The following SH2B1 variants were observed in gnomAD, a reference collection of about 807,000 sequenced individuals.
SH2B1 encodes the protein SH2B adaptor protein 1.
A neutral mutation model predicts 62.6 loss-of-function variants in SH2B1; 15 were observed. That is an observed-to-expected ratio of 0.24 (90% CI 0.16 to 0.37). The LOEUF (loss-of-function observed/expected upper bound fraction) is 0.37, where lower values mean the gene tolerates loss of function less well. Among genes scored for constraint, SH2B1 ranks in the 10% least tolerant of loss-of-function variants. The pLI is 1.00. For synonymous variants in SH2B1, 443 were observed against 438.0 expected (o/e 1.01, Z -0.14); for missense variants, 925 against 1,015.6 (o/e 0.91, Z 1.21).
rs910175665 is a variant in SH2B1, at chr16:28,864,294, T to TC, written c.-1801_-1800insC. ...GCACCGGGAAAATGTGTCTGAGTCC[T>TC]GCTTGGCAGAAGAGAAACTGAGTCA... On this transcript the variant is annotated 5_prime_UTR_variant, in exon 1 of 8. The change abolishes the stop of an existing upstream ORF in the 5' untranslated region. Transcript: ENST00000684370. 1.9e-4 allele frequency: 187 copies of TC among 997,742 alleles called. No individual in the cohort carries two copies. Among genetic ancestry groups the TC allele is most frequent in the Non-Finnish European group, 2.1e-4 (180 of 837,452 alleles). The allele number at this position is 997,742 out of a possible 1,614,324, so 61.8% of individuals were successfully genotyped here. A position where few individuals can be genotyped will look rare whatever the true frequency, so the allele number is the denominator to read the frequency against.
chr16:28,871,942 C>T lies in SH2B1; in HGVS notation c.1472C>T (p.Ser491Leu). Residue 491 changes from serine (S) to leucine (L), a missense_variant, in exon 5 of 8, where the codon TCA becomes TTA. Around this residue, in one of 3 missense-constraint regions of SH2B1, gnomAD observed 683 missense variants for 704.0 expected, o/e 0.97. Transcript: ENST00000684370. Reference sequence around the variant, plus strand: ...CCAACAGGGACAGTTCATCCCCTCTCAGCCCCCTACCCTCCCTTGGACACT... The same window carrying T: ...CCAACAGGGACAGTTCATCCCCTCTTAGCCCCCTACCCTCCCTTGGACACT... ...GPPTGTVHPLSAPYPPLDTPE... is the reference protein window; with the variant it reads ...GPPTGTVHPLLAPYPPLDTPE... 1.2e-6 allele frequency: 2 copies of T among 1,608,970 alleles called. No individual in the cohort carries two copies. The highest frequency in any genetic ancestry group is 1.3e-5 in the African/African-American group (1 of 74,790).
chr16:28,873,183 T>C lies in SH2B1; in HGVS notation c.1898-264T>C. Reference sequence around the variant, plus strand: ...CCCTCCCCCCAGGCCGGGAGCAGGCTGGGAGCCATGCGGGGGTGTGCGAGG... The same window carrying C: ...CCCTCCCCCCAGGCCGGGAGCAGGCCGGGAGCCATGCGGGGGTGTGCGAGG... On this transcript the variant is annotated intron_variant, in intron 7 of 7. Coordinates refer to ENST00000684370, the MANE Select transcript of SH2B1 (RefSeq NM_001387430.1). The surrounding 1 kb of genome is among the most constrained non-coding windows in gnomAD (Gnocchi z 4.2). 6.3e-7 allele frequency: 1 copy of C among 1,578,664 alleles called. No individual in the cohort carries two copies. Among genetic ancestry groups the C allele is most frequent in the East Asian group, 2.3e-5 (1 of 44,100 alleles).
Position 28,873,884 on chromosome 16 carries a change from A to G in SH2B1, c.*64A>G, listed in dbSNP as rs749253448. Reference sequence around the variant, plus strand: ...CCCTGCTCGTGAGATTGGGCTGGGTAGGGACAGAGGAGGCCGAAATCCCTC... The same window carrying G: ...CCCTGCTCGTGAGATTGGGCTGGGTGGGGACAGAGGAGGCCGAAATCCCTC... On this transcript the variant is annotated 3_prime_UTR_variant, in exon 8 of 8. Coordinates refer to ENST00000684370, the MANE Select transcript of SH2B1 (RefSeq NM_001387430.1). This position sits in a 1 kb window ranked among gnomAD's most constrained non-coding sequence, Gnocchi z 4.2. 7.8e-4 allele frequency: 1,048 copies of G among 1,349,052 alleles called. 1 individual carries two copies. The highest frequency in any genetic ancestry group is 9.4e-4 in the Non-Finnish European group (994 of 1,053,070). The allele number at this position is 1,349,052 out of a possible 1,614,324, so 83.6% of individuals were successfully genotyped here. A position where few individuals can be genotyped will look rare whatever the true frequency, so the allele number is the denominator to read the frequency against.
At chr16:28,858,932 AG>A, upstream of SH2B1, among the ~76,000 whole-genome samples, 1 of 149,028 alleles carries the variant, frequency 6.7e-6, no homozygotes, top group Non-Finnish European at 1.5e-5. Flanking sequence ...TGACACAGCA[AG>A]ACTGTTTCTC....
In SH2B1 at chr16:28,873,909, C is replaced by G. The variant is rs987496760; in HGVS notation, c.*89C>G. On this transcript the variant is annotated 3_prime_UTR_variant, in exon 8 of 8. Transcript: ENST00000684370. The surrounding 1 kb of genome is among the most constrained non-coding windows in gnomAD (Gnocchi z 4.2). Reference sequence around the variant, plus strand: ...AGGGACAGAGGAGGCCGAAATCCCTCCCCCATGCTTCCTGACCCTTGTTGG... The same window carrying G: ...AGGGACAGAGGAGGCCGAAATCCCTGCCCCATGCTTCCTGACCCTTGTTGG... The G allele has an allele frequency of 8.0e-5, 101 of 1,255,118 alleles. No individual in the cohort carries two copies. Among genetic ancestry groups the G allele is most frequent in the Non-Finnish European group, 1.0e-4 (101 of 976,764 alleles). The allele number at this position is 1,255,118 out of a possible 1,614,324, so 77.7% of individuals were successfully genotyped here.
rs1209978962 is a variant in SH2B1 at position 28,852,343 on chromosome 16, CATATATATTTAT to C, written c.-301+5535_-301+5546del. Among the ~76,000 whole-genome samples the C allele has an allele frequency of 6.4e-3, 187 of 29,424 alleles. 32 individuals carry two copies. The highest frequency in any genetic ancestry group is 0.01 in the African/African-American group (71 of 6,890). The allele number at this position is 29,424 out of a possible 152,430, so 19.3% of individuals were successfully genotyped here. ...ATATATATATTTACATATATATTTA[CATATATATTTAT>C]ATATATATTTATATATATTTACATA... On this transcript the variant is annotated intron_variant, in intron 1 of 10. Coordinates refer to the SH2B1 transcript ENST00000322610.
rs768318561 is a variant in SH2B1 at position 28,866,722 on chromosome 16, G to C, written c.628G>C (p.Gly210Arg). The stretch of plus-strand genomic sequence containing the variant: ...CTCCTCTGGCGGGGCTGGGACCGTT[G>C]GTAGGGGACTGGTCAGTGATGGAAC... ...SNSSGGAGTVGRGLVSDGTSP... is the reference protein window; with the variant it reads ...SNSSGGAGTVRRGLVSDGTSP... The change falls in exon 1 of 8, where the codon GGT becomes CGT. Residue 210 changes from glycine to arginine, a missense_variant. Around this residue, in one of 3 missense-constraint regions of SH2B1, gnomAD observed 683 missense variants for 704.0 expected, o/e 0.97. Transcript: ENST00000684370. This position sits in a 1 kb window ranked among gnomAD's most constrained non-coding sequence, Gnocchi z 6.3. The C allele has an allele frequency of 1.9e-6, 3 of 1,585,094 alleles. No homozygotes were observed. The highest frequency in any genetic ancestry group is 2.6e-6 in the Non-Finnish European group (3 of 1,165,510).
intron 1 of SH2B1, among the ~76,000 whole-genome samples, chr16:28,850,962 C>A (rs1178993057): frequency 6.6e-6 from 1 of 151,368 alleles, no homozygotes; most frequent in Non-Finnish European, 1.5e-5. Flanking sequence ...GTCACGAGGT[C>A]AAGAGATTGA....
In SH2B1 at chr16:28,873,489, C is replaced by A. The variant is rs909207682; in HGVS notation, c.1940C>A (p.Pro647His). Residue 647 changes from proline to histidine, a missense_variant, in exon 8 of 8, where the codon CCT becomes CAT. Physicochemically the swap from Pro to His is moderately conservative, Grantham distance 77. This residue lies in a region of SH2B1 where 185 missense variants were observed against 189.5 expected (regional missense o/e 0.98). Transcript: ENST00000684370. This position sits in a 1 kb window ranked among gnomAD's most constrained non-coding sequence, Gnocchi z 4.2. ...SHDPPQPPEP[P>H]SWTDPPQPGA... ...GACCCACCCCAGCCCCCTGAACCCC[C>A]TTCATGGACAGATCCCCCACAGCCT... The A allele has an allele frequency of 2.5e-6, 4 of 1,583,200 alleles. No homozygotes were observed. Among genetic ancestry groups the A allele is most frequent in the Non-Finnish European group, 2.6e-6 (3 of 1,167,570 alleles).
upstream of SH2B1, among the ~76,000 whole-genome samples, chr16:28,859,204 A>G (rs1420319767): frequency 6.6e-6 from 1 of 151,888 alleles, no homozygotes; most frequent in African/African-American, 2.4e-5. Context: ...TCAGCCTCCT[A>G]ATGTGTTGGG....
chr16:28,852,923 TA>T lies in SH2B1; in HGVS notation c.-301+6097del, dbSNP rs1188473971. On this transcript the variant is annotated intron_variant, in intron 1 of 10. Transcript: ENST00000322610. ...TTTTATATATACATGTACATATATATATTTTTATATATATGTACATATATAT... is the reference window on the plus strand; with the variant it reads ...TTTTATATATACATGTACATATATATTTTTTATATATATGTACATATATAT... 2.9e-3 allele frequency among the ~76,000 whole-genome samples: 152 copies of T among 51,530 alleles called. 11 individuals are homozygous for T. The highest frequency in any genetic ancestry group is 0.034 in the Middle Eastern group (2 of 58). 33.8% of individuals were successfully genotyped at this position (51,530 alleles called of 152,430 possible).
At chr16:28,853,517 T>A (rs1962254876) in intron 1 of SH2B1, among the ~76,000 whole-genome samples, 1 of 122,842 alleles carries the variant, frequency 8.1e-6, no homozygotes. Context: ...CCCACCCCAC[T>A]TTTTCTTTTT....
rs1436039360 is a variant in SH2B1 at position 28,873,575 on chromosome 16, G to A, written c.2026G>A (p.Glu676Lys). ...VAAAAAAAAKERQEKEKAGGG... is the reference protein window; with the variant it reads ...VAAAAAAAAKKRQEKEKAGGG... ...GGCAGCAGCAGCCGCAGCAGCCAAAGAGAGGCAAGAGAAAGAGAAAGCGGG... is the reference window on the plus strand; with the variant it reads ...GGCAGCAGCAGCCGCAGCAGCCAAAAAGAGGCAAGAGAAAGAGAAAGCGGG... Residue 676 changes from glutamate to lysine, a missense_variant, in exon 8 of 8, where the codon GAG becomes AAG. Around this residue, in one of 3 missense-constraint regions of SH2B1, gnomAD observed 185 missense variants for 189.5 expected, o/e 0.98. Transcript: ENST00000684370. This position sits in a 1 kb window ranked among gnomAD's most constrained non-coding sequence, Gnocchi z 4.2. 3 of 1,586,754 alleles carry A rather than the reference G, an allele frequency of 1.9e-6. No homozygotes were observed. Among genetic ancestry groups the A allele is most frequent in the South Asian group, 1.1e-5 (1 of 88,122 alleles).
At position 28,872,134 on chromosome 16, in the gene SH2B1, A is replaced by G. The variant is rs2152187141; in HGVS notation, c.1514-56A>G. 4 of 1,546,818 alleles carry G rather than the reference A, an allele frequency of 2.6e-6. No homozygotes were observed. The East Asian group carries it at 9.0e-5, about 35-fold the overall frequency. ...GGGGAAGGCAAGGCTTTTTTCTCCC[A>G]GGATGGGGGAGGCTGCCCTGACACC... On this transcript the variant is annotated intron_variant, in intron 5 of 7. Transcript: ENST00000684370. The surrounding 1 kb of genome is among the most constrained non-coding windows in gnomAD (Gnocchi z 5.3).
chr16:28,873,429 C>T lies in SH2B1; in HGVS notation c.1898-18C>T. On this transcript the variant is annotated intron_variant, in intron 7 of 7. Transcript: ENST00000684370. The surrounding 1 kb of genome is among the most constrained non-coding windows in gnomAD (Gnocchi z 4.2). ...CCTGCCTCCACAATCAGTCTGTTTT[C>T]TTACCATTCCTATCCAGAACCGACC... The T allele has an allele frequency of 6.3e-7, 1 of 1,575,456 alleles. No homozygotes were observed. The highest frequency in any genetic ancestry group is 8.5e-7 in the Non-Finnish European group (1 of 1,169,912).
chr16:28,861,163 C>T (rs1207961061), upstream of SH2B1, among the ~76,000 whole-genome samples: 2 of 152,044 alleles, frequency 1.3e-5, no homozygotes, highest in African/African-American at 2.4e-5. Context: ...GATGGAGTCT[C>T]GCTCTGTTGC....
rs1211871330 is a variant in SH2B1, at chr16:28,857,411, C to CG, written c.-300-4200dup. Among the ~76,000 whole-genome samples, 14 of 78,866 alleles carry CG rather than the reference C, an allele frequency of 1.8e-4. No homozygotes were observed. The East Asian group carries it at 2.6e-3, about 15-fold the overall frequency. The allele number at this position is 78,866 out of a possible 152,430, so 51.7% of individuals were successfully genotyped here. On this transcript the variant is annotated intron_variant, in intron 1 of 10. Transcript: ENST00000322610. ...AATGGCTCATAATGGGGAGTGGGGGCGGGGGGGTGAAAGGGCAAAAAATAA... is the reference window on the plus strand; with the variant it reads ...AATGGCTCATAATGGGGAGTGGGGGCGGGGGGGGTGAAAGGGCAAAAAATAA...
chr16:28,859,720 AAG>A (rs1035322373), upstream of SH2B1, among the ~76,000 whole-genome samples: 17 of 152,046 alleles, frequency 1.1e-4, no homozygotes, highest in Admixed American at 2.0e-4. Flanking sequence ...GAAAAAAAAA[AAG>A]AGAGAGAGAA....
chr16:28,852,395 C>T (rs201086283), intron 1 of SH2B1, among the ~76,000 whole-genome samples: 193 of 16,058 alleles, frequency 0.012, 25 homozygotes, highest in South Asian at 0.017. Flanking sequence ...TATATATATA[C>T]ATATATATTT....
Sources: allele counts gnomAD v4.1 joint callset (sites outside exome capture counted in the v4.1 genomes callset), GRCh38; gene constraint gnomAD v4.1.1; regional missense constraint gnomAD v4.1.1; non-coding constraint Gnocchi (gnomAD v3.1); transcripts MANE v1.5; gene names NCBI Gene and HGNC (gene_info 2026-07-23, HGNC 2026-07-21).